Variants in TENM2 observed in about 807,000 individuals in gnomAD.
TENM2 encodes the protein teneurin-2.
TENM2 carries 52 observed loss-of-function variants against 245.2 expected under a neutral mutation model. The ratio of observed to expected loss-of-function variants is 0.21; its 90% CI spans 0.17 to 0.27. The LOEUF (loss-of-function observed/expected upper bound fraction) is 0.27, where lower values mean the gene tolerates loss of function less well. Among genes scored for constraint, TENM2 ranks in the 10% least tolerant of loss-of-function variants. TENM2 has a pLI of 1.00. For synonymous variants in TENM2, 1,363 were observed against 1,438.9 expected (o/e 0.95, Z 1.19); for missense variants, 3,046 against 3,666.8 (o/e 0.83, Z 4.37).
At chr5:167,039,714 T>G in the TENM2 span, among the ~76,000 whole-genome samples, 1 of 135,456 alleles carries the variant, frequency 7.4e-6, no homozygotes, top group African/African-American at 3.1e-5. Flanking sequence ...TTAGCATTGG[T>G]TTCACTTTAA....
intron 2 of TENM2, among the ~76,000 whole-genome samples, chr5:167,461,763 C>T (rs933546195): frequency 5.9e-5 from 9 of 152,124 alleles, no homozygotes; most frequent in African/African-American, 1.7e-4. Context: ...AAATGCATCA[C>T]TATTGTAGAG....
At chr5:167,824,980 T>C (rs1421991) in intron 2 of TENM2, among the ~76,000 whole-genome samples, 10,521 of 152,226 alleles carry the variant, frequency 0.069, 423 homozygotes, top group Middle Eastern at 0.12. Context: ...TTGCTTCTTA[T>C]CTGAAAAGAT....
the TENM2 span, among the ~76,000 whole-genome samples, chr5:167,156,552 G>T: frequency 2.6e-5 from 4 of 152,094 alleles, no homozygotes; most frequent in Admixed American, 2.0e-4. Context: ...TCTCCAAGTC[G>T]GAGAGCAGCT....
intron 5 of TENM2, among the ~76,000 whole-genome samples, chr5:168,036,941 G>A (rs1204353028): frequency 6.6e-6 from 1 of 151,616 alleles, no homozygotes; most frequent in Non-Finnish European, 1.5e-5. Flanking sequence ...CTCATAAGAA[G>A]CTGACCATAC....
intron 13 of TENM2, 119 bp downstream of exon 15, chr5:168,162,876 A>G: frequency 1.6e-6 from 2 of 1,271,842 alleles, no homozygotes; most frequent in Non-Finnish European, 2.2e-6. Context: ...TTGTTGTAAC[A>G]TTTTCTTTGA....
rs1755490586 is a variant in TENM2 at position 167,303,602 on chromosome 5, C to T, written c.226+18539C>T. Among the ~76,000 whole-genome samples the T allele has an allele frequency of 3.3e-5, 5 of 152,094 alleles. No individual in the cohort carries two copies. The South Asian group carries it at 1.0e-3, about 32-fold the overall frequency. On this transcript the variant is annotated intron_variant, in intron 1 of 28. Transcript: ENST00000518659. ...TGTGGTGGAATGTCATCATTTAAGG[C>T]AGGAACCAGCCATCTGGATGTGTAC...
exon 16 of TENM2, chr5:168,199,099 C>T (rs200112179): frequency 2.1e-4 from 335 of 1,611,888 alleles, no homozygotes; most frequent in Non-Finnish European, 2.5e-4. Context: ...AGAATCCCAT[C>T]GTGCCTGAGA....
chr5:168,163,907 C>T (rs558383906), intron 13 of TENM2, among the ~76,000 whole-genome samples: 8 of 152,178 alleles, frequency 5.3e-5, no homozygotes, highest in Admixed American at 1.3e-4. Context: ...GTCCTGGTGC[C>T]GGGGGTGATT....
At chr5:168,085,389 T>A (rs927900813) in intron 7 of TENM2, 1 of 152,210 alleles carries the variant, frequency 6.6e-6, no homozygotes, top group Non-Finnish European at 1.5e-5. Flanking sequence ...GAGCCTGGCA[T>A]GATGAGCTGC....
chr5:167,896,470 G>T (rs974023029), intron 3 of TENM2, among the ~76,000 whole-genome samples: 1 of 152,172 alleles, frequency 6.6e-6, no homozygotes, highest in Non-Finnish European at 1.5e-5. Context: ...TGAGACATGT[G>T]GCTTCCAACC....
intron 1 of TENM2, among the ~76,000 whole-genome samples, chr5:167,364,677 G>A (rs1759932797): frequency 6.6e-6 from 1 of 151,894 alleles, no homozygotes; most frequent in African/African-American, 2.4e-5. Context: ...TTTATGTAAG[G>A]CAAAATAGAC....
intron 9 of TENM2, among the ~76,000 whole-genome samples, chr5:168,111,553 C>T (rs1254546251): frequency 6.6e-6 from 1 of 152,176 alleles, no homozygotes; most frequent in East Asian, 1.9e-4. Context: ...CTCTCTCTCT[C>T]CTTCCCTACA....
chr5:168,247,711 G>T lies in TENM2; in HGVS notation c.6772G>T (p.Gly2258Trp), dbSNP rs1265081367. 1 of 1,613,738 alleles carries T rather than the reference G, an allele frequency of 6.2e-7. No homozygotes were observed. Reference sequence around the variant, plus strand: ...CCTCCGGGATCGGATAACCAGACTCGGGGATGTGCAGTACAAAATTGACGA... The same window carrying T: ...CCTCCGGGATCGGATAACCAGACTCTGGGATGTGCAGTACAAAATTGACGA... The change falls in exon 27 of 29, where the codon GGG becomes TGG. Residue 2258 changes from glycine (G) to tryptophan (W), a missense_variant. By Grantham distance (184) the Gly-to-Trp change is radical. This residue lies in a region of TENM2 where 2,704 missense variants were observed against 3,331.9 expected (regional missense o/e 0.81). Transcript: ENST00000518659. The surrounding 1 kb of genome is among the most constrained non-coding windows in gnomAD (Gnocchi z 7.8).
intron 15 of TENM2, 48 bp downstream of exon 17, chr5:168,195,343 G>A (rs2152520044): frequency 6.4e-7 from 1 of 1,551,676 alleles, no homozygotes; most frequent in Non-Finnish European, 8.7e-7. Context: ...ACACGTGTGT[G>A]CAAAGGGACA....
chr5:168,259,698 G>A (rs1271354176), intron 27 of TENM2, among the ~76,000 whole-genome samples: 1 of 152,230 alleles, frequency 6.6e-6, no homozygotes, highest in Non-Finnish European at 1.5e-5. Flanking sequence ...GCCAGCCTCA[G>A]TGCAGTGGCC....
chr5:166,985,818 G>T, the TENM2 span, among the ~76,000 whole-genome samples: 1 of 152,010 alleles, frequency 6.6e-6, no homozygotes, highest in Admixed American at 6.6e-5. Flanking sequence ...GTCAAGCTGA[G>T]AATCTAAAAA....
At chr5:167,345,892 C>CAAAAAAAAAAAAAAAA (rs57279945) in intron 1 of TENM2, among the ~76,000 whole-genome samples, 2 of 67,962 alleles carry the variant, frequency 2.9e-5, no homozygotes, top group Non-Finnish European at 3.2e-5. Context: ...AACATACAGC[C>CAAAAAAAAAAAAAAAA]AAAAAAAAAA....
intron 2 of TENM2, among the ~76,000 whole-genome samples, chr5:167,401,124 C>A (rs1409386589): frequency 6.6e-6 from 1 of 151,964 alleles, no homozygotes; most frequent in African/African-American, 2.4e-5. Flanking sequence ...CAAAACCTAA[C>A]AAAGAGGAGG....
chr5:167,123,234 CGAGGCA>C, the TENM2 span, among the ~76,000 whole-genome samples: 2 of 152,056 alleles, frequency 1.3e-5, no homozygotes, highest in African/African-American at 4.8e-5. Flanking sequence ...CGCTTGAACC[CGAGGCA>C]GAGGCAGCGG....
Sources: allele counts gnomAD v4.1 joint callset (sites outside exome capture counted in the v4.1 genomes callset), GRCh38; gene constraint gnomAD v4.1.1; regional missense constraint gnomAD v4.1.1; non-coding constraint Gnocchi (gnomAD v3.1); transcripts MANE v1.5; gene names NCBI Gene and HGNC (gene_info 2026-07-23, HGNC 2026-07-21).